ZNF638: variants seen among roughly 807,000 people sequenced by gnomAD.
ZNF638 encodes zinc finger protein 638, also known as CTCL tumor antigen se33-1.
Under a neutral mutation model 195.6 loss-of-function variants are expected in ZNF638, and 46 were observed. The ratio of observed to expected loss-of-function variants is 0.24; its 90% CI spans 0.19 to 0.30. The LOEUF (loss-of-function observed/expected upper bound fraction) is 0.30, where lower values mean the gene tolerates loss of function less well. ZNF638 is among the 10% of genes least tolerant of loss of function. The pLI is 1.00. For synonymous variants in ZNF638, 845 were observed against 772.0 expected (o/e 1.09, Z -1.57); for missense variants, 2,440 against 2,325.3 (o/e 1.05, Z -1.01).
At position 71,388,699 on chromosome 2, in the gene ZNF638, T is replaced by C. The variant is rs1412333540; in HGVS notation, c.2378-7442T>C. 6 of 1,166,234 alleles carry C rather than the reference T, an allele frequency of 5.1e-6. No individual in the cohort carries two copies. The East Asian group carries it at 1.4e-4, about 27-fold the overall frequency. The allele number at this position is 1,166,234 out of a possible 1,614,324, so 72.2% of individuals were successfully genotyped here. On this transcript the variant is annotated intron_variant, in intron 10 of 27. Transcript: ENST00000264447. ...GGGATCACGACGGAACCCCCGAAAA[T>C]GAAGGCGAAGAGACTGTGCAGTCAG...
chr2:71,434,628 A>T (rs2080730544), intron 27 of ZNF638, 114 bp from the exon 28 acceptor site: 2 of 859,042 alleles, frequency 2.3e-6, no homozygotes, highest in Admixed American at 5.5e-5. Flanking sequence ...CACTGTGTTT[A>T]TAATATTTTG....
rs547346587 is a variant in ZNF638 at position 71,370,339 on chromosome 2, C to G, written c.2265+334C>G. ...GCTTCTTCCCAATTCTTACACCCTC[C>G]CTTCTTCTCACAAGTAAACACTAAC... is the stretch of plus-strand genomic sequence containing the variant. On this transcript the variant is annotated intron_variant, in intron 8 of 27. Coordinates refer to ENST00000264447, the MANE Select transcript of ZNF638 (RefSeq NM_014497.5). Among the ~76,000 whole-genome samples the G allele has an allele frequency of 2.6e-5, 4 of 152,256 alleles. No homozygotes were observed. In the East Asian group the frequency reaches 5.8e-4, roughly 22 times the overall value.
chr2:71,349,159 A>C lies in ZNF638; in HGVS notation c.205A>C (p.Met69Leu). 1 of 1,614,244 alleles carries C rather than the reference A, an allele frequency of 6.2e-7. No homozygotes were observed. The highest frequency in any genetic ancestry group is 8.5e-7 in the Non-Finnish European group (1 of 1,180,046). Residue 69 changes from methionine to leucine, a missense_variant, in exon 2 of 28, where the codon ATG becomes CTG. Around this residue, in one of 5 missense-constraint regions of ZNF638, gnomAD observed 191 missense variants for 173.8 expected, o/e 1.10. Coordinates refer to ENST00000264447, the MANE Select transcript of ZNF638 (RefSeq NM_014497.5). ...ESYQNMGPQR[M>L]NVQVTQHRTD... ...TTATCAGAACATGGGGCCACAGAGA[A>C]TGAATGTTCAGGTAACTCAACACAG...
In ZNF638 at chr2:71,400,132, A is replaced by G. The variant is rs559933597; in HGVS notation, c.2608A>G (p.Ser870Gly). 5 of 1,607,794 alleles carry G rather than the reference A, an allele frequency of 3.1e-6. No homozygotes were observed. Among genetic ancestry groups the G allele is most frequent in the African/African-American group, 1.3e-5 (1 of 74,734 alleles). Residue 870 changes from serine (S) to glycine (G), a missense_variant, in exon 14 of 28, where the codon AGT (serine) becomes GGT (glycine). Ser to Gly is a moderately conservative substitution (Grantham distance 56). Around this residue, in one of 5 missense-constraint regions of ZNF638, gnomAD observed 1,883 missense variants for 1,739.1 expected, o/e 1.08. Coordinates refer to ENST00000264447, the MANE Select transcript of ZNF638 (RefSeq NM_014497.5). ...TIPENSEIKT[S>G]IEVKATENCA... ...TGCAGAAAACTCTGAAATAAAGACC[A>G]GTATTGAAGTCAAAGCCACTGAAAA...
At chr2:71,383,758 T>C (rs2079579124) in intron 10 of ZNF638, among the ~76,000 whole-genome samples, 2 of 85,768 alleles carry the variant, frequency 2.3e-5, no homozygotes, top group Admixed American at 3.1e-4. Context: ...TTTTTTTTCT[T>C]TTTCTTTTTT....
In ZNF638 at chr2:71,431,402, A is replaced by T. The variant is rs771346038; in HGVS notation, c.5726A>T (p.Lys1909Ile). The T allele has an allele frequency of 1.4e-5, 23 of 1,613,936 alleles. No homozygotes were observed. Among genetic ancestry groups the T allele is most frequent in the Non-Finnish European group, 1.8e-5 (21 of 1,179,916 alleles). ...AAGACTGAAGACTCTTCTTCAGGCA[A>T]ATCAGTGGCGTCTGATGTCCCTGAG... ...RKKTEDSSSG[K>I]SVASDVPEEL... is the part of the protein sequence containing the mutation. Residue 1909 changes from lysine to isoleucine, a missense_variant, in exon 26 of 28, where the codon AAA becomes ATA. Lys to Ile is a moderately radical substitution (Grantham distance 102). Around this residue, in one of 5 missense-constraint regions of ZNF638, gnomAD observed 1,883 missense variants for 1,739.1 expected, o/e 1.08. Transcript: ENST00000264447.
At chr2:71,368,770 T>C (rs2079251876) in intron 7 of ZNF638, among the ~76,000 whole-genome samples, 1 of 152,254 alleles carries the variant, frequency 6.6e-6, no homozygotes, top group African/African-American at 2.4e-5. Context: ...AAGCCATCTG[T>C]AGGATCTCAA....
intron 1 of ZNF638, among the ~76,000 whole-genome samples, chr2:71,342,346 C>T (rs1223480926): frequency 6.6e-6 from 1 of 151,864 alleles, no homozygotes; most frequent in Admixed American, 6.6e-5. Context: ...AGTATTTTTA[C>T]GTGTCTTGCT....
chr2:71,334,155 A>G (rs2078622695), intron 1 of ZNF638, among the ~76,000 whole-genome samples: 1 of 152,146 alleles, frequency 6.6e-6, no homozygotes, highest in Non-Finnish European at 1.5e-5. Context: ...CCTGGTATGT[A>G]TTAGATGCTC....
chr2:71,346,030 A>G (rs1467370336), intron 1 of ZNF638, among the ~76,000 whole-genome samples: 1 of 152,206 alleles, frequency 6.6e-6, no homozygotes, highest in Non-Finnish European at 1.5e-5. Context: ...GGAAATACAC[A>G]GTACATTTTT....
At chr2:71,401,900 A>G in intron 15 of ZNF638, 56 bp from the exon 16 acceptor site, 1 of 1,456,542 alleles carries the variant, frequency 6.9e-7, no homozygotes, top group South Asian at 1.4e-5. Flanking sequence ...GTATAAACTT[A>G]AGTAAATATG....
At chr2:71,422,761 TTTTG>T (rs2080458298) in intron 21 of ZNF638, 49 bp from the exon 22 acceptor site, 2 of 1,543,818 alleles carry the variant, frequency 1.3e-6, no homozygotes, top group Non-Finnish European at 8.7e-7. Context: ...ATAGTTTGAT[TTTTG>T]TTTGTGTTTT....
At chr2:71,421,552 C>A (rs1430674105) in intron 21 of ZNF638, among the ~76,000 whole-genome samples, 1 of 152,074 alleles carries the variant, frequency 6.6e-6, no homozygotes, top group South Asian at 2.1e-4. Flanking sequence ...TGTGGTAGCA[C>A]AACTTTCTTA....
In ZNF638 at chr2:71,431,908, T is replaced by A. The variant is rs1314515073; in HGVS notation, c.5752+480T>A. 5.3e-5 allele frequency among the ~76,000 whole-genome samples: 8 copies of A among 152,264 alleles called. No individual in the cohort carries two copies. The East Asian group carries it at 1.5e-3, about 29-fold the overall frequency. On this transcript the variant is annotated intron_variant, in intron 26 of 27. Coordinates refer to ENST00000264447, the MANE Select transcript of ZNF638 (RefSeq NM_014497.5). ...TGAAGACAGCTTACTGGGCTGTTTT[T>A]ACCTGAGAAGGATATTTTTACTGCA...
Position 71,350,278 on chromosome 2 carries a change from GT to G in ZNF638, c.1317+12del, listed in dbSNP as rs2078918122. The stretch of plus-strand genomic sequence containing the variant: ...AGAATGTAGTCATTTGAAGGTGAGT[GT>G]TTTTAAAAAAAGATCACTGTATAAT... On this transcript the variant is annotated splice_region_variant and intron_variant, in intron 2 of 27. Transcript: ENST00000264447. 2.5e-6 allele frequency: 4 copies of G among 1,593,572 alleles called. No individual in the cohort carries two copies. The highest frequency in any genetic ancestry group is 3.4e-6 in the Non-Finnish European group (4 of 1,176,500).
intron 1 of ZNF638, among the ~76,000 whole-genome samples, chr2:71,339,319 A>G (rs1049275850): frequency 1.2e-4 from 18 of 151,962 alleles, no homozygotes; most frequent in African/African-American, 4.3e-4. Context: ...CACCCGGCTA[A>G]TTTTTATATT....
At chr2:71,411,617 C>T in intron 20 of ZNF638, among the ~76,000 whole-genome samples, 1 of 107,716 alleles carries the variant, frequency 9.3e-6, no homozygotes, top group African/African-American at 3.5e-5. Flanking sequence ...CAATGCTATC[C>T]CTCCCCCCTC....
chr2:71,343,926 C>T (rs571396739), intron 1 of ZNF638, among the ~76,000 whole-genome samples: 9 of 116,984 alleles, frequency 7.7e-5, no homozygotes, highest in Non-Finnish European at 1.4e-4. Context: ...GTCAGGAGAT[C>T]GAGACCATCC....
intron 1 of ZNF638, among the ~76,000 whole-genome samples, chr2:71,335,680 C>A (rs1048613952): frequency 2.6e-5 from 4 of 152,142 alleles, no homozygotes; most frequent in Admixed American, 6.5e-5. Flanking sequence ...TCTCTACTTG[C>A]TTATTTTTAA....
Sources: allele counts gnomAD v4.1 joint callset (sites outside exome capture counted in the v4.1 genomes callset), GRCh38; gene constraint gnomAD v4.1.1; regional missense constraint gnomAD v4.1.1; transcripts MANE v1.5; gene names NCBI Gene and HGNC (gene_info 2026-07-23, HGNC 2026-07-21).